The following PHF5A variants were observed in gnomAD, a reference collection of about 807,000 sequenced individuals.
PHF5A encodes PHD finger-like domain-containing protein 5A.
For synonymous variants in PHF5A, 52 were observed against 46.0 expected (o/e 1.13, Z -0.52); for missense variants, 24 against 140.6 (o/e 0.17, Z 4.19).
intron 3 of PHF5A, among the ~76,000 whole-genome samples, chr22:41,464,477 T>C (rs1283239733): frequency 7.9e-5 from 12 of 152,216 alleles, no homozygotes; most frequent in Non-Finnish European, 1.5e-4. Context: ...AAACTAGTGC[T>C]GAAAATGTGA....
intron 2 of PHF5A, 131 bp downstream of exon 2, chr22:41,467,993 A>G (rs1021362074): frequency 1.3e-5 from 12 of 934,214 alleles, no homozygotes; most frequent in Admixed American, 4.7e-5. Flanking sequence ...GCCTTTGGCT[A>G]AAGTGCAGCA....
chr22:41,465,086 G>A (rs2037855382), intron 3 of PHF5A, among the ~76,000 whole-genome samples: 1 of 152,136 alleles, frequency 6.6e-6, no homozygotes, highest in South Asian at 2.1e-4. Context: ...AATCAGAGTT[G>A]AGGACAAGAG....
At chr22:41,467,688 C>A (rs1036211061) in intron 2 of PHF5A, 74 bp from the exon 3 acceptor site, 39 of 820,452 alleles carry the variant, frequency 4.8e-5, no homozygotes, top group Non-Finnish European at 6.6e-5. Context: ...GGGAAATATA[C>A]TAGTCTCCTG....
At chr22:41,467,374 T>C (rs1176625744) in intron 3 of PHF5A, 74 bp downstream of exon 3, 6 of 1,395,782 alleles carry the variant, frequency 4.3e-6, no homozygotes, top group Non-Finnish European at 5.0e-6. Context: ...CCATAGACCA[T>C]AGGAGATTGC....
chr22:41,464,727 T>C (rs1358123363), intron 3 of PHF5A, among the ~76,000 whole-genome samples: 32 of 152,244 alleles, frequency 2.1e-4, no homozygotes, highest in Admixed American at 2.0e-3. Context: ...AATGCTGTCT[T>C]AAATGGCTTA....
intron 1 of PHF5A, 132 bp from the exon 2 acceptor site, chr22:41,468,279 A>T: frequency 1.2e-6 from 1 of 803,758 alleles, no homozygotes; most frequent in Non-Finnish European, 2.0e-6. Flanking sequence ...TAGCCATTTT[A>T]TCATTACAAA....
chr22:41,462,398 G>A (rs2037833559), intron 3 of PHF5A, among the ~76,000 whole-genome samples: 1 of 152,100 alleles, frequency 6.6e-6, no homozygotes, highest in Non-Finnish European at 1.5e-5. Context: ...AAAAATCTCT[G>A]CAACTAACAC....
chr22:41,464,565 CAG>C (rs1303303850), intron 3 of PHF5A, among the ~76,000 whole-genome samples: 1 of 152,202 alleles, frequency 6.6e-6, no homozygotes, highest in African/African-American at 2.4e-5. Context: ...GAATAAGTCT[CAG>C]GGACAGAATG....
At chr22:41,468,066 T>G in intron 2 of PHF5A, 58 bp downstream of exon 2, 1 of 1,592,616 alleles carries the variant, frequency 6.3e-7, no homozygotes, top group Non-Finnish European at 8.6e-7. Flanking sequence ...CTTTTGCTGG[T>G]TCCACAGAAA....
At chr22:41,463,616 T>G in intron 3 of PHF5A, among the ~76,000 whole-genome samples, 1 of 58,578 alleles carries the variant, frequency 1.7e-5, no homozygotes, top group African/African-American at 6.6e-5. Context: ...TCCCAGCTAC[T>G]CAGGGGGCTG....
intron 3 of PHF5A, among the ~76,000 whole-genome samples, chr22:41,464,063 T>C (rs2037847270): frequency 6.6e-6 from 1 of 152,182 alleles, no homozygotes; most frequent in African/African-American, 2.4e-5. Flanking sequence ...TTGCATATAT[T>C]AAGAGCTTCA....
chr22:41,462,879 T>C (rs555778178), intron 3 of PHF5A, among the ~76,000 whole-genome samples: 4 of 151,872 alleles, frequency 2.6e-5, no homozygotes, highest in Non-Finnish European at 5.9e-5. Context: ...GGTTAGCTTT[T>C]TTTTTTTTTT....
At chr22:41,464,928 C>T (rs1411632479) in intron 3 of PHF5A, among the ~76,000 whole-genome samples, 1 of 152,168 alleles carries the variant, frequency 6.6e-6, no homozygotes, top group African/African-American at 2.4e-5. Context: ...GCTTGCACCG[C>T]ATGTCAGGCA....
intron 3 of PHF5A, among the ~76,000 whole-genome samples, chr22:41,464,668 G>A (rs2146062062): frequency 6.6e-6 from 1 of 152,372 alleles, no homozygotes; most frequent in Middle Eastern, 3.4e-3. Context: ...CTGGTTGCAA[G>A]CTTACGCTAC....
At chr22:41,463,833 G>C (rs2037845755) in intron 3 of PHF5A, among the ~76,000 whole-genome samples, 2 of 149,656 alleles carry the variant, frequency 1.3e-5, no homozygotes, top group Admixed American at 1.3e-4. Context: ...GGCGGAGATT[G>C]TAATGAGCCG....
intron 1 of PHF5A, 150 bp downstream of exon 1, chr22:41,468,452 A>G (rs1287479344): frequency 2.4e-6 from 2 of 842,722 alleles, no homozygotes; most frequent in African/African-American, 1.7e-5. Context: ...AGAGGCCACA[A>G]ACCTGCGCGC....
intron 3 of PHF5A, among the ~76,000 whole-genome samples, chr22:41,466,529 T>TGTACAGGACTTATAA (rs1163902738): frequency 7.9e-5 from 12 of 152,262 alleles, no homozygotes; most frequent in Admixed American, 1.3e-4. Flanking sequence ...CAACATGGGC[T>TGTACAGGACTTATAA]GTACAGGACT....
chr22:41,468,591 C>T lies in PHF5A; in HGVS notation c.52+11G>A, dbSNP rs1313900642. 9 of 1,613,912 alleles carry T rather than the reference C, an allele frequency of 5.6e-6. No homozygotes were observed. The highest frequency in any genetic ancestry group is 1.6e-4 in the Middle Eastern group (1 of 6,084). ...CCTGCCCAGACAGCCAGGGGTAGGG[C>T]GCAGTCTCACCAACACCAGCCTGCT... On this transcript the variant is annotated intron_variant, in intron 1 of 3. Transcript: ENST00000216252.
intron 3 of PHF5A, among the ~76,000 whole-genome samples, chr22:41,467,157 C>T (rs1023541023): frequency 2.0e-5 from 3 of 152,012 alleles, no homozygotes; most frequent in Middle Eastern, 3.2e-3. Flanking sequence ...TGGGCCACCA[C>T]GCCCAGCCGG....
Sources: allele counts gnomAD v4.1 joint callset (sites outside exome capture counted in the v4.1 genomes callset), GRCh38; gene constraint gnomAD v4.1.1; transcripts MANE v1.5; gene names NCBI Gene and HGNC (gene_info 2026-07-23, HGNC 2026-07-21).